The following GABPA variants were observed in gnomAD, a reference collection of about 807,000 sequenced individuals.
GABPA encodes the protein GA binding protein transcription factor subunit alpha.
GABPA carries 4 observed loss-of-function variants against 59.4 expected under a neutral mutation model. The ratio of observed to expected loss-of-function variants is 0.07; its 90% CI spans 0.03 to 0.15. The LOEUF (loss-of-function observed/expected upper bound fraction) is 0.15, where lower values mean the gene tolerates loss of function less well. Among genes scored for constraint, GABPA ranks in the 10% least tolerant of loss-of-function variants. The probability of loss-of-function intolerance (pLI) is 1.00; values close to 1 mark genes in which losing one functional copy is unlikely to be tolerated. For synonymous variants in GABPA, 164 were observed against 183.1 expected, an observed-to-expected ratio of 0.90 and a Z score of 0.84; for missense variants, 251 against 543.8, an observed-to-expected ratio of 0.46 and a Z score of 5.36.
intron 5 of GABPA, among the ~76,000 whole-genome samples, 158 bp from the exon 6 acceptor site, chr21:25,757,852 T>C (rs79161764): frequency 7.0e-6 from 1 of 142,446 alleles, no homozygotes; most frequent in Non-Finnish European, 1.5e-5. Flanking sequence ...CAGCATAATT[T>C]TTTTTTTTTT....
rs1297711098 is a variant in GABPA at position 25,735,538 on chromosome 21, C to G, written c.-67C>G. The G allele has an allele frequency of 6.5e-6, 1 of 153,348 alleles. No individual in the cohort carries two copies. The highest frequency in any genetic ancestry group is 6.5e-5 in the Admixed American group (1 of 15,320). 9.5% of individuals were successfully genotyped at this position (153,348 alleles called of 1,614,324 possible). A position where few individuals can be genotyped will look rare whatever the true frequency, so the allele number is the denominator to read the frequency against. Reference sequence around the variant, plus strand: ...TCGCCGCTGCCGTTCTCAGCCGGCTCTGGAGTGCGGGCGGGGGCGACAGGG... The same window carrying G: ...TCGCCGCTGCCGTTCTCAGCCGGCTGTGGAGTGCGGGCGGGGGCGACAGGG... On this transcript the variant is annotated 5_prime_UTR_variant, in exon 1 of 10. Transcript: ENST00000400075.
rs1376043678 is a variant in GABPA, at chr21:25,755,435, A to T, written c.554-2575A>T. ...TGGGTGGCAAAGCAAGACTGTCTAA[A>T]AAAAAAAAAAAAAAAAAAGGGCAAA... is the stretch of plus-strand genomic sequence containing the variant. On this transcript the variant is annotated intron_variant, in intron 5 of 9. Coordinates refer to ENST00000400075, the MANE Select transcript of GABPA (RefSeq NM_002040.4). 2.5e-5 allele frequency among the ~76,000 whole-genome samples: 3 copies of T among 120,430 alleles called. No individual in the cohort carries two copies. In the South Asian group the frequency reaches 7.6e-4, roughly 31 times the overall value. 79.0% of individuals were successfully genotyped at this position (120,430 alleles called of 152,430 possible).
At chr21:25,753,798 CAG>C (rs1378026036) in intron 5 of GABPA, among the ~76,000 whole-genome samples, 1 of 152,116 alleles carries the variant, frequency 6.6e-6, no homozygotes, top group Non-Finnish European at 1.5e-5. Context: ...GTAAATGAAA[CAG>C]TATTGTCGGG....
chr21:25,759,312 T>A (rs927755016), intron 6 of GABPA, among the ~76,000 whole-genome samples: 1 of 152,116 alleles, frequency 6.6e-6, no homozygotes, highest in African/African-American at 2.4e-5. Context: ...TGGATGAAAA[T>A]GTTAATGATA....
At chr21:25,736,725 G>GA (rs975705160) in intron 1 of GABPA, among the ~76,000 whole-genome samples, 4 of 152,132 alleles carry the variant, frequency 2.6e-5, no homozygotes, top group Admixed American at 6.5e-5. Context: ...AAGAATTGGG[G>GA]AAAAAATCAT....
chr21:25,749,703 T>A (rs1384444901), intron 4 of GABPA, among the ~76,000 whole-genome samples: 2 of 152,184 alleles, frequency 1.3e-5, no homozygotes, highest in Non-Finnish European at 2.9e-5. Flanking sequence ...TGGTGGCACA[T>A]GCCTGTAATC....
At position 25,752,014 on chromosome 21, in the gene GABPA, T is replaced by C. The variant is rs1187194327; in HGVS notation, c.333T>C (p.Leu111=). Residue 111 remains leucine, a synonymous_variant, in exon 5 of 10, where the codon CTT becomes CTC. Transcript: ENST00000400075. ...GAATTGAACCAAAGTTAAACATCCTTGAAATTGTTAAACCTGCGGACACTG... is the reference window on the plus strand; with the variant it reads ...GAATTGAACCAAAGTTAAACATCCTCGAAATTGTTAAACCTGCGGACACTG... ...YQGIEPKLNI[L]EIVKPADTVE... is the part of the protein sequence containing the mutation. 1 of 1,612,044 alleles carries C rather than the reference T, an allele frequency of 6.2e-7. No homozygotes were observed. The highest frequency in any genetic ancestry group is 1.3e-5 in the African/African-American group (1 of 74,878).
Position 25,769,855 on chromosome 21 carries a change from T to C in GABPA, c.*623T>C, listed in dbSNP as rs2035974874. ...GCAGTGCTGAAGGAGGAGATCCAGG[T>C]TTAAATCTGGCTTATTAACTCAAGC... On this transcript the variant is annotated 3_prime_UTR_variant, in exon 10 of 10. Coordinates refer to ENST00000400075, the MANE Select transcript of GABPA (RefSeq NM_002040.4). The C allele has an allele frequency of 6.6e-6, 1 of 152,624 alleles. No individual in the cohort carries two copies. Among genetic ancestry groups the C allele is most frequent in the African/African-American group, 2.4e-5 (1 of 41,452 alleles). The allele number at this position is 152,624 out of a possible 1,614,324, so 9.5% of individuals were successfully genotyped here.
intron 3 of GABPA, among the ~76,000 whole-genome samples, chr21:25,748,363 T>C (rs1356735367): frequency 1.3e-5 from 2 of 152,208 alleles, no homozygotes; most frequent in African/African-American, 4.8e-5. Flanking sequence ...AAGATGATTA[T>C]AATGGAAGCC....
At position 25,760,316 on chromosome 21, in the gene GABPA, AG is replaced by A. The variant is rs1297051251; in HGVS notation, c.749-1995del. Among the ~76,000 whole-genome samples, 5 of 152,288 alleles carry A rather than the reference AG, an allele frequency of 3.3e-5. No individual in the cohort carries two copies. In the East Asian group the frequency reaches 9.6e-4, roughly 29 times the overall value. On this transcript the variant is annotated intron_variant, in intron 6 of 9. Coordinates refer to ENST00000400075, the MANE Select transcript of GABPA (RefSeq NM_002040.4). Reference sequence around the variant, plus strand: ...AGGGTTTTTTGAGCTCAGTGTAGTTAGTACTCTGGTCCCTTCTGTAGAGAGA... The same window carrying A: ...AGGGTTTTTTGAGCTCAGTGTAGTTATACTCTGGTCCCTTCTGTAGAGAGA...
intron 5 of GABPA, among the ~76,000 whole-genome samples, chr21:25,753,406 G>A (rs796164631): frequency 3.3e-5 from 5 of 152,242 alleles, no homozygotes; most frequent in African/African-American, 1.2e-4. Context: ...AGCGAGAAAT[G>A]GAAAAGAACA....
At chr21:25,747,325 T>C (rs1346333336) in intron 3 of GABPA, among the ~76,000 whole-genome samples, 1 of 152,252 alleles carries the variant, frequency 6.6e-6, no homozygotes, top group Non-Finnish European at 1.5e-5. Flanking sequence ...CTGTAACATT[T>C]ATTGCTTTCT....
chr21:25,762,236 T>C, intron 6 of GABPA, 76 bp from the exon 7 acceptor site: 2 of 733,888 alleles, frequency 2.7e-6, no homozygotes, highest in South Asian at 3.7e-5. Context: ...CCATGTTTAT[T>C]AAGTTGAGTT....
In GABPA at chr21:25,764,207, C is replaced by T. The variant is rs750753739; in HGVS notation, c.803-3C>T. ...AAAAATTTCTCCTTGTCTGTCTTTG[C>T]AGCTGTGCAAATTATTCCAGCATCA... On this transcript the variant is annotated splice_region_variant and splice_polypyrimidine_tract_variant and intron_variant, in intron 7 of 9. Transcript: ENST00000400075. 8 of 1,579,378 alleles carry T rather than the reference C, an allele frequency of 5.1e-6. No individual in the cohort carries two copies. The South Asian group carries it at 7.1e-5, about 14-fold the overall frequency.
At chr21:25,752,379 G>C in intron 5 of GABPA, 145 bp downstream of exon 5, 2 of 872,262 alleles carry the variant, frequency 2.3e-6, no homozygotes, top group Non-Finnish European at 3.5e-6. Context: ...TAATTGTAAC[G>C]CACATTTAAG....
intron 9 of GABPA, 142 bp from the exon 10 acceptor site, chr21:25,768,862 A>C: frequency 1.7e-6 from 1 of 577,834 alleles, no homozygotes; most frequent in South Asian, 2.5e-5. Flanking sequence ...GTAGCATTAA[A>C]TATTCTACAT....
intron 1 of GABPA, among the ~76,000 whole-genome samples, chr21:25,739,817 T>C (rs2035174194): frequency 6.6e-6 from 1 of 152,170 alleles, no homozygotes; most frequent in African/African-American, 2.4e-5. Context: ...AGGTTCTTTT[T>C]ATGTTGCCCA....
At chr21:25,746,914 A>T (rs1221509966) in intron 3 of GABPA, among the ~76,000 whole-genome samples, 1 of 152,230 alleles carries the variant, frequency 6.6e-6, no homozygotes, top group Non-Finnish European at 1.5e-5. Flanking sequence ...ATGAGATTTG[A>T]TAGAATAGAA....
intron 3 of GABPA, among the ~76,000 whole-genome samples, chr21:25,746,900 A>G (rs1218769834): frequency 6.6e-6 from 1 of 152,230 alleles, no homozygotes; most frequent in Non-Finnish European, 1.5e-5. Context: ...CAAATGTTCC[A>G]AAAATGAGAT....
Sources: gnomAD v4.1 joint callset for allele counts (sites outside exome capture counted in the v4.1 genomes callset) on GRCh38, gnomAD v4.1.1 for gene constraint, MANE v1.5 for transcripts, NCBI Gene and HGNC (gene_info 2026-07-23, HGNC 2026-07-21) for gene names.